The following EXT1 variants were observed in gnomAD, a reference collection of about 807,000 sequenced individuals.
EXT1 encodes the protein exostosin-1.
Under a neutral mutation model 82.5 loss-of-function variants are expected in EXT1, and 20 were observed. The ratio of observed to expected loss-of-function variants is 0.24; its 90% CI spans 0.17 to 0.35. EXT1 has a LOEUF of 0.35. Among genes scored for constraint, EXT1 ranks in the 10% least tolerant of loss-of-function variants. The probability of loss-of-function intolerance (pLI) is 1.00; values close to 1 mark genes in which losing one functional copy is unlikely to be tolerated. For missense variants in EXT1, 757 were observed against 936.5 expected (o/e 0.81, Z 2.50); for synonymous variants, 348 against 350.8 (o/e 0.99, Z 0.09).
intron 1 of EXT1, among the ~76,000 whole-genome samples, chr8:117,915,725 G>A (rs375387620): frequency 8.5e-5 from 13 of 152,140 alleles, no homozygotes; most frequent in South Asian, 6.2e-4. Flanking sequence ...GCATGGTGGC[G>A]CATGCCTGTG....
intron 1 of EXT1, among the ~76,000 whole-genome samples, chr8:117,861,513 GA>G (rs1286872591): frequency 0.063 from 1,419 of 22,370 alleles, 46 homozygotes; most frequent in Non-Finnish European, 0.1. Context: ...TTTTTTTTTT[GA>G]GATAGAGTCT....
At chr8:118,003,772 A>T (rs1384874103) in intron 1 of EXT1, among the ~76,000 whole-genome samples, 1 of 152,198 alleles carries the variant, frequency 6.6e-6, no homozygotes, top group African/African-American at 2.4e-5. Context: ...TTTCTTTTTA[A>T]GCCCAGAGAA....
chr8:117,960,233 A>T (rs1037891557), intron 1 of EXT1, among the ~76,000 whole-genome samples: 2 of 152,168 alleles, frequency 1.3e-5, no homozygotes, highest in South Asian at 2.1e-4. Flanking sequence ...ATAAATAAAT[A>T]AATTAAATAA....
At chr8:117,979,351 C>T (rs1163200890) in intron 1 of EXT1, among the ~76,000 whole-genome samples, 2 of 143,904 alleles carry the variant, frequency 1.4e-5, no homozygotes, top group Non-Finnish European at 3.0e-5. Flanking sequence ...AAGACTCTGT[C>T]TCAAAAACAA....
intron 1 of EXT1, among the ~76,000 whole-genome samples, chr8:118,098,204 G>A (rs1045748691): frequency 2.0e-5 from 3 of 152,180 alleles, no homozygotes; most frequent in African/African-American, 7.2e-5. Flanking sequence ...ACTGAAATGT[G>A]TGCAGGAAGT....
intron 1 of EXT1, among the ~76,000 whole-genome samples, chr8:118,058,550 T>G (rs1376252249): frequency 6.6e-6 from 1 of 152,224 alleles, no homozygotes; most frequent in African/African-American, 2.4e-5. Context: ...TAAGACTGTT[T>G]GGAGTTCATT....
chr8:117,985,441 A>G (rs1345515387), intron 1 of EXT1, among the ~76,000 whole-genome samples: 1 of 152,202 alleles, frequency 6.6e-6, no homozygotes, highest in Admixed American at 6.5e-5. Flanking sequence ...AGACAGTAGA[A>G]TATCTGCATA....
chr8:117,897,878 T>C (rs1480387659), intron 1 of EXT1, among the ~76,000 whole-genome samples: 1 of 152,068 alleles, frequency 6.6e-6, no homozygotes, highest in Non-Finnish European at 1.5e-5. Flanking sequence ...GGTCGGATTA[T>C]AGGCGTGAAC....
At chr8:117,992,909 T>C (rs1180204363) in intron 1 of EXT1, among the ~76,000 whole-genome samples, 3 of 152,196 alleles carry the variant, frequency 2.0e-5, no homozygotes, top group African/African-American at 4.8e-5. Flanking sequence ...TTTTCACTAC[T>C]TTACTGTCAT....
intron 1 of EXT1, among the ~76,000 whole-genome samples, chr8:118,077,335 C>T (rs1169450508): frequency 6.6e-6 from 1 of 152,198 alleles, no homozygotes; most frequent in African/African-American, 2.4e-5. Flanking sequence ...CCAACCTGAT[C>T]AAATTCCCAC....
intron 1 of EXT1, among the ~76,000 whole-genome samples, chr8:117,989,458 G>C (rs1586328238): frequency 1.3e-5 from 2 of 152,138 alleles, no homozygotes; most frequent in Non-Finnish European, 2.9e-5. Context: ...TAAGTGTTCA[G>C]TTCATTCCTG....
intron 1 of EXT1, among the ~76,000 whole-genome samples, chr8:118,007,338 T>C (rs1346056306): frequency 1.3e-5 from 2 of 150,952 alleles, no homozygotes; most frequent in Non-Finnish European, 2.9e-5. Flanking sequence ...CTAGAGAACA[T>C]GCCTACAGAC....
intron 1 of EXT1, among the ~76,000 whole-genome samples, chr8:118,104,771 T>C (rs556805244): frequency 1.3e-5 from 2 of 152,314 alleles, no homozygotes; most frequent in South Asian, 2.1e-4. Flanking sequence ...TTGGAGCATT[T>C]TGGACCTTTG....
intron 1 of EXT1, among the ~76,000 whole-genome samples, chr8:118,067,717 C>T (rs1188843100): frequency 2.0e-5 from 3 of 152,198 alleles, no homozygotes; most frequent in African/African-American, 7.2e-5. Context: ...CAGTTACATG[C>T]TACTTGGTTT....
intron 1 of EXT1, among the ~76,000 whole-genome samples, chr8:117,902,376 A>G (rs761649063): frequency 2.8e-4 from 42 of 152,246 alleles, no homozygotes; most frequent in Non-Finnish European, 5.3e-4. Flanking sequence ...TGTACTGTAC[A>G]TAATTGTATG....
At chr8:118,082,808 G>T (rs566104683) in intron 1 of EXT1, among the ~76,000 whole-genome samples, 1 of 152,294 alleles carries the variant, frequency 6.6e-6, no homozygotes, top group East Asian at 1.9e-4. Flanking sequence ...CATGCCCGGT[G>T]AAATCTCTGC....
chr8:117,879,128 G>GCA (rs1813018986), intron 1 of EXT1, among the ~76,000 whole-genome samples: 1 of 152,198 alleles, frequency 6.6e-6, no homozygotes, highest in African/African-American at 2.4e-5. Flanking sequence ...CCTACAGGCA[G>GCA]CAACAGCAAA....
chr8:117,997,425 C>T (rs992713389), intron 1 of EXT1, among the ~76,000 whole-genome samples: 1 of 151,688 alleles, frequency 6.6e-6, no homozygotes, highest in African/African-American at 2.4e-5. Context: ...CTCCTACCTA[C>T]TTTCAGAAAG....
chr8:118,086,709 T>C (rs752192472), intron 1 of EXT1, among the ~76,000 whole-genome samples: 2 of 152,290 alleles, frequency 1.3e-5, no homozygotes, highest in Middle Eastern at 3.4e-3. Context: ...TGTTTCAGTA[T>C]AATTTCAATG....
Sources: gnomAD v4.1 joint callset for allele counts (sites outside exome capture counted in the v4.1 genomes callset) on GRCh38, gnomAD v4.1.1 for gene constraint, MANE v1.5 for transcripts, NCBI Gene and HGNC (gene_info 2026-07-23, HGNC 2026-07-21) for gene names.